SLC16A2: variants seen among roughly 807,000 people sequenced by gnomAD.
SLC16A2 encodes the protein solute carrier family 16 member 2.
A neutral mutation model predicts 27.2 loss-of-function variants in SLC16A2; 3 were observed. The ratio of observed to expected loss-of-function variants is 0.11; its 90% CI spans 0.05 to 0.28. The LOEUF (loss-of-function observed/expected upper bound fraction) is 0.28. Ranked by LOEUF, SLC16A2 falls within the 10% of genes least tolerant of loss-of-function variation. SLC16A2 has a pLI of 1.00. For synonymous variants in SLC16A2, 202 were observed against 187.8 expected (o/e 1.08, Z -0.62); for missense variants, 295 against 458.5 (o/e 0.64, Z 3.26).
At chrX:74,469,462 A>T (rs1209643198) in intron 1 of SLC16A2, among the ~76,000 whole-genome samples, 1 of 111,988 alleles carries the variant, frequency 8.9e-6, no homozygotes, top group Non-Finnish European at 1.9e-5. Flanking sequence ...TGAAGATTTC[A>T]ATTTCTGTAC....
At chrX:74,474,623 TC>T (rs1929428145) in intron 1 of SLC16A2, among the ~76,000 whole-genome samples, 2 of 110,125 alleles carry the variant, frequency 1.8e-5, no homozygotes, top group Admixed American at 9.7e-5. Context: ...ATGCTATCCT[TC>T]CCCCCTCCTC....
intron 1 of SLC16A2, among the ~76,000 whole-genome samples, chrX:74,435,775 CATAA>C (rs1210818079): frequency 9.2e-6 from 1 of 109,011 alleles, no homozygotes; most frequent in Non-Finnish European, 1.9e-5. Context: ...AGGATCTGGA[CATAA>C]ATAATGCCTG....
intron 1 of SLC16A2, among the ~76,000 whole-genome samples, chrX:74,489,546 A>G (rs1929784404): frequency 8.9e-6 from 1 of 112,375 alleles, no homozygotes; most frequent in Non-Finnish European, 1.9e-5. Context: ...TGTGAACTTC[A>G]AAAAGCATTT....
intron 1 of SLC16A2, among the ~76,000 whole-genome samples, chrX:74,513,635 A>G (rs944818056): frequency 1.8e-5 from 2 of 111,653 alleles, no homozygotes; most frequent in Non-Finnish European, 3.8e-5. Context: ...TTGATAACCT[A>G]TCCCACTAAC....
At chrX:74,514,685 G>A (rs1007960532) in intron 1 of SLC16A2, among the ~76,000 whole-genome samples, 1 of 111,604 alleles carries the variant, frequency 9.0e-6, no homozygotes, top group South Asian at 3.7e-4. Flanking sequence ...GTAGGAAACT[G>A]GGACTTTCAC....
intron 1 of SLC16A2, among the ~76,000 whole-genome samples, chrX:74,515,576 CAAA>C (rs991857715): frequency 6.3e-5 from 7 of 111,346 alleles, no homozygotes; most frequent in African/African-American, 2.3e-4. Flanking sequence ...AGAATAAACT[CAAA>C]GAACTCTATG....
At chrX:74,505,834 G>A (rs1261074587) in intron 1 of SLC16A2, among the ~76,000 whole-genome samples, 1 of 112,251 alleles carries the variant, frequency 8.9e-6, no homozygotes, top group East Asian at 2.8e-4. Flanking sequence ...CAAACTGGCT[G>A]CCTCTTTAGC....
At chrX:74,504,867 G>C (rs1169102336) in intron 1 of SLC16A2, among the ~76,000 whole-genome samples, 1 of 111,545 alleles carries the variant, frequency 9.0e-6, no homozygotes, top group Non-Finnish European at 1.9e-5. Flanking sequence ...TGGCGCATCT[G>C]TAGACCCAGC....
chrX:74,453,801 ATCT>A (rs1161013491), intron 1 of SLC16A2, among the ~76,000 whole-genome samples: 1 of 111,243 alleles, frequency 9.0e-6, no homozygotes, highest in African/African-American at 3.3e-5. Flanking sequence ...GCACGAGGTG[ATCT>A]TCTCGTGCTT....
chrX:74,498,044 C>A (rs1306063270), intron 1 of SLC16A2, among the ~76,000 whole-genome samples: 2 of 111,730 alleles, frequency 1.8e-5, no homozygotes, highest in Admixed American at 1.9e-4. Flanking sequence ...TTGGTCACTC[C>A]TGGGTATAGG....
In SLC16A2 at chrX:74,429,917, C is replaced by A. The variant is rs186275235; in HGVS notation, c.430+7850C>A. Among the ~76,000 whole-genome samples the A allele has an allele frequency of 1.1e-4, 12 of 111,813 alleles. No homozygotes were observed. The East Asian group carries it at 2.5e-3, about 24-fold the overall frequency. ...AGACCAGGTAGAAGAATAGAGATGACTTCTTATAAGCCTTCCCTGCTACTG... is the reference window on the plus strand; with the variant it reads ...AGACCAGGTAGAAGAATAGAGATGAATTCTTATAAGCCTTCCCTGCTACTG... On this transcript the variant is annotated intron_variant, in intron 1 of 5. Coordinates refer to ENST00000587091, the MANE Select transcript of SLC16A2 (RefSeq NM_006517.5).
intron 1 of SLC16A2, among the ~76,000 whole-genome samples, chrX:74,506,523 C>T (rs970010627): frequency 2.7e-5 from 3 of 111,473 alleles, no homozygotes; most frequent in African/African-American, 9.8e-5. Flanking sequence ...TAATTGAATA[C>T]TAGAAAAGCA....
At chrX:74,479,118 C>T (rs1172964580) in intron 1 of SLC16A2, among the ~76,000 whole-genome samples, 1 of 112,206 alleles carries the variant, frequency 8.9e-6, no homozygotes, top group Non-Finnish European at 1.9e-5. Flanking sequence ...CTTTCAGGTA[C>T]ACCAATCAGA....
At chrX:74,496,270 A>G (rs1289433989) in intron 1 of SLC16A2, among the ~76,000 whole-genome samples, 1 of 39,227 alleles carries the variant, frequency 2.5e-5, no homozygotes, top group African/African-American at 4.8e-5. Flanking sequence ...ACACACACAC[A>G]CACACGCACA....
At chrX:74,456,223 G>A (rs1348297320) in intron 1 of SLC16A2, among the ~76,000 whole-genome samples, 1 of 111,820 alleles carries the variant, frequency 8.9e-6, no homozygotes, top group Non-Finnish European at 1.9e-5. Flanking sequence ...TGGATTGAAG[G>A]TGGGAGAAGA....
intron 1 of SLC16A2, among the ~76,000 whole-genome samples, chrX:74,494,545 T>C (rs1405958066): frequency 8.9e-6 from 1 of 111,765 alleles, no homozygotes; most frequent in Non-Finnish European, 1.9e-5. Flanking sequence ...TCATCAATGT[T>C]ATGGAGGGTT....
intron 1 of SLC16A2, among the ~76,000 whole-genome samples, chrX:74,492,058 A>G (rs1929837378): frequency 8.9e-6 from 1 of 112,422 alleles, no homozygotes; most frequent in Non-Finnish European, 1.9e-5. Flanking sequence ...GGGTCTAGAC[A>G]TTCTTGATAA....
chrX:74,466,038 G>C, intron 1 of SLC16A2, among the ~76,000 whole-genome samples: 1 of 111,370 alleles, frequency 9.0e-6, no homozygotes, highest in Middle Eastern at 4.6e-3. Context: ...AGCCCAGCAG[G>C]AAGCATCATT....
At chrX:74,448,545 AG>A (rs764581989) in intron 1 of SLC16A2, among the ~76,000 whole-genome samples, 2 of 110,390 alleles carry the variant, frequency 1.8e-5, no homozygotes, top group Non-Finnish European at 3.8e-5. Context: ...TCCATCTCTG[AG>A]GTCTCCAAGT....
Sources: allele counts gnomAD v4.1 joint callset (sites outside exome capture counted in the v4.1 genomes callset), GRCh38; gene constraint gnomAD v4.1.1; transcripts MANE v1.5; gene names NCBI Gene and HGNC (gene_info 2026-07-23, HGNC 2026-07-21).